The following MAEA variants were observed in gnomAD, a reference collection of about 807,000 sequenced individuals.
MAEA encodes the protein E3 ubiquitin-protein transferase MAEA.
Under a neutral mutation model 46.2 loss-of-function variants are expected in MAEA, and 22 were observed. That is an observed-to-expected ratio of 0.48 (90% CI 0.34 to 0.68). The LOEUF (loss-of-function observed/expected upper bound fraction) is 0.68, where lower values mean the gene tolerates loss of function less well. Among genes scored for constraint, MAEA ranks in the 30% least tolerant of loss-of-function variants. The probability of loss-of-function intolerance (pLI) is 0.01; values close to 1 mark genes in which losing one functional copy is unlikely to be tolerated. For synonymous variants in MAEA, 246 were observed against 222.6 expected (o/e 1.11, Z -0.94); for missense variants, 393 against 558.1 (o/e 0.70, Z 2.98).
intron 1 of MAEA, among the ~76,000 whole-genome samples, chr4:1,308,657 C>T (rs1376081876): frequency 1.3e-5 from 2 of 152,250 alleles, no homozygotes; most frequent in Non-Finnish European, 2.9e-5. Flanking sequence ...GTCTCCTGAG[C>T]AGTGGTTGGT....
At chr4:1,329,858 C>T in intron 5 of MAEA, 1 of 985,548 alleles carries the variant, frequency 1.0e-6, no homozygotes, top group Non-Finnish European at 1.2e-6. Flanking sequence ...CCAGGCAGGG[C>T]CCTCTCACCT....
At chr4:1,318,496 G>A (rs1390103220) in intron 3 of MAEA, among the ~76,000 whole-genome samples, 1 of 152,244 alleles carries the variant, frequency 6.6e-6, no homozygotes, top group Non-Finnish European at 1.5e-5. Context: ...GGGGTGCCCT[G>A]AGCATGTCTG....
At chr4:1,325,371 GGC>G (rs1440918420) in intron 4 of MAEA, among the ~76,000 whole-genome samples, 1 of 152,238 alleles carries the variant, frequency 6.6e-6, no homozygotes, top group Non-Finnish European at 1.5e-5. Flanking sequence ...CAGCCTTGTT[GGC>G]GCTCCACGCC....
At chr4:1,309,792 C>G in intron 1 of MAEA, 2 of 1,421,070 alleles carry the variant, frequency 1.4e-6, no homozygotes, top group South Asian at 1.5e-5. Context: ...TTCCCTTGCA[C>G]TGGGAGCAAA....
At chr4:1,294,060 T>C (rs1734379784) in intron 1 of MAEA, among the ~76,000 whole-genome samples, 1 of 152,018 alleles carries the variant, frequency 6.6e-6, no homozygotes, top group Non-Finnish European at 1.5e-5. Flanking sequence ...GTCTGAGGAG[T>C]CTTAGGCCGG....
intron 6 of MAEA, 33 bp downstream of exon 6, chr4:1,332,898 C>T (rs1364960343): frequency 2.0e-6 from 3 of 1,532,314 alleles, no homozygotes; most frequent in Non-Finnish European, 9.0e-7. Flanking sequence ...CGGTGTCATG[C>T]TGGGGTGGGG....
intron 5 of MAEA, chr4:1,329,308 C>T (rs927806709): frequency 1.0e-6 from 1 of 983,044 alleles, no homozygotes; most frequent in Non-Finnish European, 1.2e-6. Flanking sequence ...CCTGTGTTCC[C>T]CCCGCTCCGT....
intron 1 of MAEA, among the ~76,000 whole-genome samples, chr4:1,300,542 G>A (rs1735210703): frequency 6.6e-6 from 1 of 152,274 alleles, no homozygotes; most frequent in African/African-American, 2.4e-5. Context: ...GTGACCTGGG[G>A]ATGAGGGCAC....
At chr4:1,339,034 T>C in intron 8 of MAEA, 40 bp from the exon 9 acceptor site, 2 of 1,443,308 alleles carry the variant, frequency 1.4e-6, no homozygotes, top group Non-Finnish European at 2.0e-6. Flanking sequence ...GTGTACGTTG[T>C]AGTCGCTTGC....
In MAEA at chr4:1,328,952, CA is replaced by C. The variant is rs1199585060; in HGVS notation, c.656+1250del. On this transcript the variant is annotated intron_variant, in intron 5 of 8. Coordinates refer to ENST00000303400, the MANE Select transcript of MAEA (RefSeq NM_001017405.3). ...CGTGTGAGCATTGCGGGGACACGGCCAGGGGCCCCCTGTCAAGAGGAGGGGC... is the reference window on the plus strand; with the variant it reads ...CGTGTGAGCATTGCGGGGACACGGCCGGGGCCCCCTGTCAAGAGGAGGGGC... 4 of 991,738 alleles carry C rather than the reference CA, an allele frequency of 4.0e-6. No homozygotes were observed. The African/African-American group carries it at 7.0e-5, about 17-fold the overall frequency. The allele number at this position is 991,738 out of a possible 1,614,324, so 61.4% of individuals were successfully genotyped here. A position where few individuals can be genotyped will look rare whatever the true frequency, so the allele number is the denominator to read the frequency against.
chr4:1,336,417 C>T (rs561495546), intron 6 of MAEA, among the ~76,000 whole-genome samples: 9 of 151,754 alleles, frequency 5.9e-5, no homozygotes, highest in East Asian at 3.9e-4. Context: ...ATGTTGAAAT[C>T]GGAGTTAAGT....
intron 1 of MAEA, among the ~76,000 whole-genome samples, chr4:1,301,594 T>C (rs553858899): frequency 6.6e-6 from 1 of 152,298 alleles, no homozygotes; most frequent in East Asian, 1.9e-4. Flanking sequence ...CCCAGCACTT[T>C]GGGAGGCTGA....
At position 1,291,021 on chromosome 4, in the gene MAEA, G is replaced by A. The variant is rs142461081; in HGVS notation, c.69+1039G>A. On this transcript the variant is annotated intron_variant, in intron 1 of 8. Transcript: ENST00000303400. ...ACCTCAGGGTGAAATGAGTGACCAC[G>A]TATTGTTTCAAACAGTGCCTAGCAT... Among the ~76,000 whole-genome samples, 18 of 152,298 alleles carry A rather than the reference G, an allele frequency of 1.2e-4. No homozygotes were observed. The East Asian group carries it at 2.9e-3, about 24-fold the overall frequency.
intron 1 of MAEA, chr4:1,297,868 T>C (rs1459828047): frequency 1.2e-5 from 5 of 402,968 alleles, no homozygotes; most frequent in Non-Finnish European, 2.6e-5. Context: ...CTGGCTGTGG[T>C]CAGCCTCTTG....
chr4:1,318,932 ACAGGACAGGAAGC>A (rs1737659039), intron 3 of MAEA, among the ~76,000 whole-genome samples: 1 of 114,522 alleles, frequency 8.7e-6, no homozygotes, highest in African/African-American at 3.9e-5. Flanking sequence ...CCACCCAGGA[ACAGGACAGGAAGC>A]TGCTGCCCAG....
At chr4:1,327,115 G>A (rs935626790) in intron 4 of MAEA, among the ~76,000 whole-genome samples, 1 of 152,264 alleles carries the variant, frequency 6.6e-6, no homozygotes, top group Non-Finnish European at 1.5e-5. Context: ...GGGCATCAGC[G>A]CCTCGGGACA....
intron 1 of MAEA, among the ~76,000 whole-genome samples, chr4:1,295,318 A>G (rs1333256531): frequency 6.6e-6 from 1 of 152,130 alleles, no homozygotes; most frequent in Non-Finnish European, 1.5e-5. Context: ...GCTAGGGGCC[A>G]TTATTTTGAA....
At chr4:1,312,447 T>TG (rs1736634067) in intron 2 of MAEA, 1 of 388,012 alleles carries the variant, frequency 2.6e-6, no homozygotes, top group Non-Finnish European at 4.7e-6. Context: ...TTTTTTTTTT[T>TG]GAGACAGAGT....
At chr4:1,321,580 G>C (rs906941570) in intron 3 of MAEA, among the ~76,000 whole-genome samples, 1 of 152,174 alleles carries the variant, frequency 6.6e-6, no homozygotes, top group African/African-American at 2.4e-5. Context: ...ACGTGGGGCT[G>C]TGGGACCCAA....
Sources: allele counts gnomAD v4.1 joint callset (sites outside exome capture counted in the v4.1 genomes callset), GRCh38; gene constraint gnomAD v4.1.1; transcripts MANE v1.5; gene names NCBI Gene and HGNC (gene_info 2026-07-23, HGNC 2026-07-21).